ZFHX3: variants seen among roughly 807,000 people sequenced by gnomAD.
ZFHX3 encodes zinc finger homeobox protein 3.
Under a neutral mutation model 279.1 loss-of-function variants are expected in ZFHX3, and 42 were observed. That is an observed-to-expected ratio of 0.15 (90% CI 0.12 to 0.19). The LOEUF (loss-of-function observed/expected upper bound fraction) is 0.19. Ranked by LOEUF, ZFHX3 falls within the 10% of genes least tolerant of loss-of-function variation. ZFHX3 has a pLI of 1.00. For synonymous variants in ZFHX3, 2,293 were observed against 1,957.8 expected (o/e 1.17, Z -4.52); for missense variants, 4,981 against 4,754.0 (o/e 1.05, Z -1.40).
At chr16:73,302,224 G>C (rs1257437438) in intron 4 of ZFHX3, among the ~76,000 whole-genome samples, 1 of 151,272 alleles carries the variant, frequency 6.6e-6, no homozygotes, top group African/African-American at 2.4e-5. Context: ...TCTTTCCTTT[G>C]TATCTTTTTC....
chr16:73,000,138 T>C (rs1009667725), intron 1 of ZFHX3, among the ~76,000 whole-genome samples: 11 of 151,970 alleles, frequency 7.2e-5, no homozygotes, highest in Admixed American at 6.6e-4. Context: ...CGAGTAAGTA[T>C]CCCGGGCAGA....
intron 5 of ZFHX3, among the ~76,000 whole-genome samples, chr16:72,817,956 A>C (rs1022960313): frequency 6.6e-6 from 1 of 152,160 alleles, no homozygotes; most frequent in Non-Finnish European, 1.5e-5. Flanking sequence ...GAGCCAATTA[A>C]ATGATTATTA....
chr16:73,048,942 C>T (rs1431819045), upstream of ZFHX3, among the ~76,000 whole-genome samples: 2 of 152,200 alleles, frequency 1.3e-5, no homozygotes, highest in African/African-American at 4.8e-5. Context: ...TCCTTAGCCT[C>T]ACCTTATAAA....
chr16:73,300,476 G>T (rs1041807849), intron 4 of ZFHX3, among the ~76,000 whole-genome samples: 3 of 151,788 alleles, frequency 2.0e-5, no homozygotes, highest in African/African-American at 7.3e-5. Flanking sequence ...GATACGGGAT[G>T]TTGGGAGTCT....
At chr16:73,032,872 C>T (rs1281049168) in intron 1 of ZFHX3, among the ~76,000 whole-genome samples, 3 of 152,150 alleles carry the variant, frequency 2.0e-5, no homozygotes, top group East Asian at 1.9e-4. Flanking sequence ...CATATAAAAC[C>T]GGAGAGGTTG....
intron 2 of ZFHX3, among the ~76,000 whole-genome samples, chr16:73,515,510 G>C (rs1333053131): frequency 6.6e-6 from 1 of 150,854 alleles, no homozygotes; most frequent in Non-Finnish European, 1.5e-5. Context: ...GAGAGAAAGA[G>C]AGAGAAAGAA....
At chr16:72,827,906 T>C (rs2036972791) in intron 5 of ZFHX3, among the ~76,000 whole-genome samples, 1 of 152,182 alleles carries the variant, frequency 6.6e-6, no homozygotes, top group Non-Finnish European at 1.5e-5. Flanking sequence ...GCCCTCTCTG[T>C]GTCTCCCAGG....
In ZFHX3 at chr16:72,785,028, A is replaced by G. The variant is rs184338057; in HGVS notation, c.*2136T>C. ...AGAAGCCCGAAAGGTGACCAATGGAACCTGTATTCACAGTCTTCAAAGTTC... is the reference window on the plus strand; with the variant it reads ...AGAAGCCCGAAAGGTGACCAATGGAGCCTGTATTCACAGTCTTCAAAGTTC... On this transcript the variant is annotated 3_prime_UTR_variant, in exon 10 of 10. Transcript: ENST00000268489. 6.6e-6 allele frequency: 1 copy of G among 152,660 alleles called. No homozygotes were observed. The highest frequency in any genetic ancestry group is 2.4e-5 in the African/African-American group (1 of 41,464). 9.5% of individuals were successfully genotyped at this position (152,660 alleles called of 1,614,324 possible).
chr16:72,865,287 G>A (rs2037988480), intron 4 of ZFHX3, among the ~76,000 whole-genome samples: 1 of 152,196 alleles, frequency 6.6e-6, no homozygotes, highest in African/African-American at 2.4e-5. Flanking sequence ...AGAGACCAAT[G>A]GGAAAAGGGC....
At chr16:72,953,250 A>G (rs1961082881) in intron 2 of ZFHX3, among the ~76,000 whole-genome samples, 1 of 151,932 alleles carries the variant, frequency 6.6e-6, no homozygotes. Flanking sequence ...GAGGAACCAT[A>G]ACTATGTCAT....
chr16:73,744,020 C>G (rs1321133413), intron 1 of ZFHX3, among the ~76,000 whole-genome samples: 4 of 152,124 alleles, frequency 2.6e-5, no homozygotes, highest in African/African-American at 9.7e-5. Flanking sequence ...TCTTTTAATT[C>G]CGCAAACCGA....
At chr16:73,258,338 C>CATATATATATATAT (rs59013847) in intron 4 of ZFHX3, among the ~76,000 whole-genome samples, 210 of 124,932 alleles carry the variant, frequency 1.7e-3, no homozygotes, top group African/African-American at 5.4e-3. Context: ...TTTGCTATGA[C>CATATATATATATAT]ATATATATAT....
chr16:73,319,424 G>C (rs575901730), intron 3 of ZFHX3, among the ~76,000 whole-genome samples: 2 of 152,178 alleles, frequency 1.3e-5, no homozygotes, highest in African/African-American at 2.4e-5. Flanking sequence ...ATCTTTAATT[G>C]GGTCTAATTC....
intron 3 of ZFHX3, among the ~76,000 whole-genome samples, chr16:73,356,663 T>C (rs1056086859): frequency 2.0e-5 from 3 of 152,076 alleles, no homozygotes; most frequent in Non-Finnish European, 4.4e-5. Context: ...AGCACCTTCT[T>C]GTGTCAAGGA....
chr16:73,248,808 G>T (rs2013390292), intron 5 of ZFHX3, among the ~76,000 whole-genome samples: 1 of 151,548 alleles, frequency 6.6e-6, no homozygotes, highest in African/African-American at 2.4e-5. Flanking sequence ...TTATATTGAA[G>T]TTTTTTTTTA....
chr16:73,064,782 T>G (rs768643860), intron 8 of ZFHX3, among the ~76,000 whole-genome samples: 5 of 152,152 alleles, frequency 3.3e-5, no homozygotes, highest in Admixed American at 6.5e-5. Context: ...ATTCCCAGTT[T>G]CCTCAGCTTC....
intron 2 of ZFHX3, among the ~76,000 whole-genome samples, chr16:73,456,584 C>T (rs1384238655): frequency 6.6e-6 from 1 of 152,204 alleles, no homozygotes; most frequent in Non-Finnish European, 1.5e-5. Flanking sequence ...GGCAAGACCA[C>T]AGCCAGCTTT....
chr16:73,588,745 T>C (rs1336035117), intron 2 of ZFHX3, among the ~76,000 whole-genome samples: 12 of 149,002 alleles, frequency 8.1e-5, no homozygotes, highest in African/African-American at 2.5e-4. Context: ...GAGAGGAATA[T>C]AGTCAACACC....
chr16:72,967,785 G>A (rs924674128), intron 1 of ZFHX3, among the ~76,000 whole-genome samples: 16 of 150,554 alleles, frequency 1.1e-4, no homozygotes, highest in South Asian at 2.1e-4. Flanking sequence ...AAAATTAGCC[G>A]GGCGTGGTGG....
Sources: gnomAD v4.1 joint callset for allele counts (sites outside exome capture counted in the v4.1 genomes callset) on GRCh38, gnomAD v4.1.1 for gene constraint, MANE v1.5 for transcripts, NCBI Gene and HGNC (gene_info 2026-07-23, HGNC 2026-07-21) for gene names.